SFMBT1: variants seen among roughly 807,000 people sequenced by gnomAD.
The protein encoded by SFMBT1 is Scm like with four mbt domains 1.
In SFMBT1, 32 loss-of-function variants were observed where a neutral mutation model predicts 108.7. The ratio of observed to expected loss-of-function variants is 0.29; its 90% CI spans 0.22 to 0.40. The LOEUF is 0.40. SFMBT1 is among the 10% of genes least tolerant of loss of function. SFMBT1 has a pLI of 1.00. For synonymous variants in SFMBT1, 348 were observed against 369.5 expected (o/e 0.94, Z 0.67); for missense variants, 816 against 1,059.6 (o/e 0.77, Z 3.19).
chr3:52,958,446 C>T (rs1362427711), intron 2 of SFMBT1, among the ~76,000 whole-genome samples: 2 of 152,096 alleles, frequency 1.3e-5, no homozygotes, highest in African/African-American at 4.8e-5. Flanking sequence ...CAAAAATTAG[C>T]CAGGCGTGGT....
rs748006915 is a variant in SFMBT1, at chr3:52,907,252, G to A, written c.2148C>T (p.Gly716=). The change falls in exon 19 of 21, where the codon GGC becomes GGT. Residue 716 remains glycine (G), a synonymous_variant. Coordinates refer to ENST00000394752, the MANE Select transcript of SFMBT1 (RefSeq NM_016329.4). ...DEGDDDSLSE[G]STSEQQDELQ... ...GCTCATCCTGCTGCTCGGATGTACT[G>A]CCTTCACTTAGGGAATCATCATCCC... 3 of 1,613,820 alleles carry A rather than the reference G, an allele frequency of 1.9e-6. No individual in the cohort carries two copies. The highest frequency in any genetic ancestry group is 1.7e-5 in the Admixed American group (1 of 59,990).
chr3:52,968,191 A>G (rs1364908874), intron 2 of SFMBT1, among the ~76,000 whole-genome samples: 2 of 152,240 alleles, frequency 1.3e-5, no homozygotes, highest in Admixed American at 6.5e-5. Flanking sequence ...AAAGCCATGT[A>G]CTGTGTTATT....
chr3:52,950,751 G>A (rs1333434555), intron 3 of SFMBT1, among the ~76,000 whole-genome samples: 1 of 152,002 alleles, frequency 6.6e-6, no homozygotes, highest in Non-Finnish European at 1.5e-5. Context: ...TGGGATTACA[G>A]GCGTGAGCCA....
intron 1 of SFMBT1, among the ~76,000 whole-genome samples, chr3:53,032,485 G>T (rs1699720401): frequency 6.6e-6 from 1 of 152,206 alleles, no homozygotes; most frequent in Non-Finnish European, 1.5e-5. Flanking sequence ...AGTATTGTAG[G>T]CCACACAAGA....
chr3:52,961,274 G>A (rs1488554386), intron 2 of SFMBT1, among the ~76,000 whole-genome samples: 1 of 152,178 alleles, frequency 6.6e-6, no homozygotes, highest in African/African-American at 2.4e-5. Context: ...GTGGGTGCTA[G>A]GGGCTAGGGA....
rs763410426 is a variant in SFMBT1, at chr3:52,943,356, C to G, written c.361G>C (p.Glu121Gln). 5.6e-6 allele frequency: 9 copies of G among 1,614,046 alleles called. No individual in the cohort carries two copies. The South Asian group carries it at 8.8e-5, about 16-fold the overall frequency. Residue 121 changes from glutamate to glutamine, a missense_variant, in exon 4 of 21, where the codon GAA becomes CAA. Transcript: ENST00000394752. ...EQNKKTLEAPEGIRDKVSDWD... is the reference protein window; with the variant it reads ...EQNKKTLEAPQGIRDKVSDWD... ...TTGATAGGAAGTATTTCATTACCTTCTGGGGCTTCAAGGGTCTTCTTATTC... is the reference window on the plus strand; with the variant it reads ...TTGATAGGAAGTATTTCATTACCTTGTGGGGCTTCAAGGGTCTTCTTATTC...
chr3:52,909,943 T>C (rs1475057149), intron 17 of SFMBT1, among the ~76,000 whole-genome samples: 1 of 152,222 alleles, frequency 6.6e-6, no homozygotes, highest in Non-Finnish European at 1.5e-5. Flanking sequence ...GCTTCATTGC[T>C]GCTCTTCAGA....
At chr3:52,951,127 A>AAAAG (rs1553637544) in intron 3 of SFMBT1, among the ~76,000 whole-genome samples, 68 of 87,888 alleles carry the variant, frequency 7.7e-4, no homozygotes, top group South Asian at 2.5e-3. Flanking sequence ...AAAAAAAAAA[A>AAAAG]AAAAAGAAAA....
rs531052190 is a variant in SFMBT1 at position 52,912,474 on chromosome 3, C to T, written c.1730+64G>A. ...ATTACAGGTGTGAGCCACTGTGCCA[C>T]GCCGATTCTGTGACTTTTTAAAGAC... On this transcript the variant is annotated intron_variant, in intron 16 of 20. Transcript: ENST00000394752. The T allele has an allele frequency of 1.5e-4, 219 of 1,430,816 alleles. 2 individuals are homozygous for T. The South Asian group carries it at 2.3e-3, about 15-fold the overall frequency. The allele number at this position is 1,430,816 out of a possible 1,614,324, so 88.6% of individuals were successfully genotyped here.
chr3:52,995,842 C>T lies in SFMBT1; in HGVS notation c.-130-26584G>A, dbSNP rs1157857224. Among the ~76,000 whole-genome samples, 4 of 149,576 alleles carry T rather than the reference C, an allele frequency of 2.7e-5. 1 individual carries two copies. Among genetic ancestry groups the T allele is most frequent in the Admixed American group, 6.8e-5 (1 of 14,782 alleles). ...ATCTTAGCACTTTGGGAGGCTGAGGCGGGTGGATCACCTCAGGTCAGGAGT... is the reference window on the plus strand; with the variant it reads ...ATCTTAGCACTTTGGGAGGCTGAGGTGGGTGGATCACCTCAGGTCAGGAGT... On this transcript the variant is annotated intron_variant, in intron 1 of 20. Transcript: ENST00000394752.
chr3:52,942,675 G>T (rs768481461), intron 4 of SFMBT1, among the ~76,000 whole-genome samples: 16 of 152,146 alleles, frequency 1.1e-4, no homozygotes, highest in Non-Finnish European at 1.6e-4. Context: ...ACCACACCCA[G>T]CTAATTGTTT....
At chr3:52,990,017 A>G (rs946468635) in intron 1 of SFMBT1, among the ~76,000 whole-genome samples, 1 of 152,204 alleles carries the variant, frequency 6.6e-6, no homozygotes, top group Non-Finnish European at 1.5e-5. Context: ...ACCATCTACT[A>G]AAACTGTTCG....
chr3:53,000,262 C>CTTT (rs144089705), intron 1 of SFMBT1, among the ~76,000 whole-genome samples: 2 of 134,870 alleles, frequency 1.5e-5, no homozygotes, highest in African/African-American at 5.3e-5. Context: ...TCTTAAGCCA[C>CTTT]TTTTTTTTTT....
At chr3:52,980,089 T>C (rs1704656237) in intron 1 of SFMBT1, among the ~76,000 whole-genome samples, 1 of 152,214 alleles carries the variant, frequency 6.6e-6, no homozygotes, top group African/African-American at 2.4e-5. Flanking sequence ...TATTAGTCTA[T>C]CATTTACCAC....
At chr3:52,966,980 A>G (rs904752984) in intron 2 of SFMBT1, among the ~76,000 whole-genome samples, 1 of 150,816 alleles carries the variant, frequency 6.6e-6, no homozygotes, top group African/African-American at 2.4e-5. Context: ...TATAATACCT[A>G]AAGTAACCAC....
intron 7 of SFMBT1, among the ~76,000 whole-genome samples, 156 bp from the exon 8 acceptor site, chr3:52,930,586 C>T (rs1478450113): frequency 6.6e-6 from 1 of 152,104 alleles, no homozygotes; most frequent in Non-Finnish European, 1.5e-5. Context: ...TAATTTTCTA[C>T]TCTGGAAAAA....
chr3:53,027,060 G>C (rs1699518389), intron 1 of SFMBT1, among the ~76,000 whole-genome samples: 1 of 152,092 alleles, frequency 6.6e-6, no homozygotes, highest in South Asian at 2.1e-4. Flanking sequence ...TAGGATTATA[G>C]GCATGACCCA....
At chr3:52,953,716 AT>A (rs1703672723) in intron 3 of SFMBT1, among the ~76,000 whole-genome samples, 1 of 152,190 alleles carries the variant, frequency 6.6e-6, no homozygotes, top group African/African-American at 2.4e-5. Flanking sequence ...AAGTACAATA[AT>A]TTTTTTCAAT....
chr3:53,029,644 A>G (rs896958432), intron 1 of SFMBT1, among the ~76,000 whole-genome samples: 1 of 152,260 alleles, frequency 6.6e-6, no homozygotes, highest in Non-Finnish European at 1.5e-5. Flanking sequence ...AAAGCAAAGT[A>G]TCTGAATTCA....
Sources: gnomAD v4.1 joint callset for allele counts (sites outside exome capture counted in the v4.1 genomes callset) on GRCh38, gnomAD v4.1.1 for gene constraint, MANE v1.5 for transcripts, NCBI Gene and HGNC (gene_info 2026-07-23, HGNC 2026-07-21) for gene names.